The following LUZP2 variants were observed in gnomAD, a reference collection of about 807,000 sequenced individuals.
The protein encoded by LUZP2 is leucine zipper protein 2.
Under a neutral mutation model 51.6 loss-of-function variants are expected in LUZP2, and 52 were observed. The observed-to-expected ratio is 1.01, with a 90% CI of 0.81 to 1.27. The LOEUF is 1.27. LUZP2 is among the 50% of genes most tolerant of loss of function. The probability of loss-of-function intolerance (pLI) is 0.00; values close to 1 mark genes in which losing one functional copy is unlikely to be tolerated. For missense variants in LUZP2, 436 were observed against 395.4 expected, an observed-to-expected ratio of 1.10 and a Z score of -0.87; for synonymous variants, 154 against 137.3, an observed-to-expected ratio of 1.12 and a Z score of -0.85.
intron 6 of LUZP2, among the ~76,000 whole-genome samples, chr11:24,910,753 T>G: frequency 7.0e-6 from 1 of 141,898 alleles, no homozygotes; most frequent in African/African-American, 2.6e-5. Flanking sequence ...AGAAGGGAAA[T>G]GTGGGTTTGG....
intron 1 of LUZP2, among the ~76,000 whole-genome samples, chr11:24,628,003 T>C (rs968816628): frequency 6.6e-6 from 1 of 152,186 alleles, no homozygotes; most frequent in African/African-American, 2.4e-5. Context: ...ATTTACTGTC[T>C]GGGGCATTTT....
rs116087949 is a variant in LUZP2 at position 24,719,587 on chromosome 11, A to G, written c.63-9582A>G. Among the ~76,000 whole-genome samples the G allele has an allele frequency of 9.4e-3, 1,436 of 152,352 alleles. 22 individuals carry two copies. Among genetic ancestry groups the G allele is most frequent in the African/African-American group, 0.033 (1,369 of 41,580 alleles). On this transcript the variant is annotated intron_variant, in intron 1 of 11. Transcript: ENST00000336930. ...AGAAGTTAACACAGCATTTGGCACT[A>G]TGTAGTACATTGTTTGCAAATATGC...
chr11:24,929,584 A>G (rs1433387605), intron 7 of LUZP2, among the ~76,000 whole-genome samples: 1 of 152,080 alleles, frequency 6.6e-6, no homozygotes, highest in Admixed American at 6.6e-5. Flanking sequence ...CTGAGAGAGT[A>G]CTTGACATAA....
chr11:24,984,549 T>TATATATATATATATATATAAATAA (rs60530495), intron 9 of LUZP2, among the ~76,000 whole-genome samples: 1 of 71,224 alleles, frequency 1.4e-5, no homozygotes, highest in Non-Finnish European at 2.8e-5. Flanking sequence ...TATATATATA[T>TATATATATATATATATATAAATAA]AATTGTGAAT....
chr11:24,840,573 G>A (rs1432234606), intron 5 of LUZP2, among the ~76,000 whole-genome samples: 3 of 151,840 alleles, frequency 2.0e-5, no homozygotes, highest in African/African-American at 4.8e-5. Context: ...TGTATACTCA[G>A]CCCTCTGCCC....
At chr11:24,553,775 C>T (rs1490817393) in intron 1 of LUZP2, among the ~76,000 whole-genome samples, 1 of 152,078 alleles carries the variant, frequency 6.6e-6, no homozygotes, top group East Asian at 1.9e-4. Context: ...GCAGGTGTTT[C>T]TCCTTTATAT....
chr11:24,922,358 A>T (rs933399542), intron 7 of LUZP2, among the ~76,000 whole-genome samples: 1 of 152,184 alleles, frequency 6.6e-6, no homozygotes, highest in African/African-American at 2.4e-5. Flanking sequence ...ATTTCCATGT[A>T]TGTATAACAG....
rs367915296 is a variant in LUZP2, at chr11:24,607,118, T to C, written c.62+109813T>C. 2.7e-4 allele frequency among the ~76,000 whole-genome samples: 41 copies of C among 152,068 alleles called. No homozygotes were observed. The East Asian group carries it at 6.4e-3, about 24-fold the overall frequency. On this transcript the variant is annotated intron_variant, in intron 1 of 11. Transcript: ENST00000336930. ...TTATTTTGTTGAATGTTTCCTTTAC[T>C]GTACAGAAACATTTTAGTTTCATGT...
chr11:24,871,138 C>T (rs527948727), intron 5 of LUZP2, among the ~76,000 whole-genome samples: 1 of 152,006 alleles, frequency 6.6e-6, no homozygotes, highest in East Asian at 1.9e-4. Flanking sequence ...AAATGTTTAT[C>T]CAGATTTACA....
chr11:24,829,344 T>C (rs979691652), intron 5 of LUZP2, among the ~76,000 whole-genome samples: 10 of 152,024 alleles, frequency 6.6e-5, no homozygotes, highest in African/African-American at 2.2e-4. Context: ...GTAGGAAAAG[T>C]GTGCGTGCAT....
chr11:24,718,817 G>A (rs1858155144), intron 1 of LUZP2, among the ~76,000 whole-genome samples: 1 of 152,180 alleles, frequency 6.6e-6, no homozygotes, highest in Admixed American at 6.5e-5. Context: ...GAAATCAAGT[G>A]TTAAGGCTAT....
Position 25,060,955 on chromosome 11 carries a change from T to C in LUZP2, c.858+10825T>C, listed in dbSNP as rs1478904915. 2.6e-5 allele frequency among the ~76,000 whole-genome samples: 4 copies of C among 152,258 alleles called. No homozygotes were observed. In the East Asian group the frequency reaches 7.7e-4, roughly 29 times the overall value. Reference sequence around the variant, plus strand: ...AATATTGCTGAAATATAGTAATCTATTTTTTGTTGATTTATATTCTCCAAT... The same window carrying C: ...AATATTGCTGAAATATAGTAATCTACTTTTTGTTGATTTATATTCTCCAAT... On this transcript the variant is annotated intron_variant, in intron 10 of 11. Transcript: ENST00000336930.
chr11:24,604,125 A>C (rs1853832758), intron 1 of LUZP2, among the ~76,000 whole-genome samples: 1 of 151,790 alleles, frequency 6.6e-6, no homozygotes, highest in South Asian at 2.1e-4. Context: ...TATCACTCTG[A>C]CCACCCCCAG....
chr11:24,509,806 C>T (rs1187364507), intron 1 of LUZP2, among the ~76,000 whole-genome samples: 1 of 151,990 alleles, frequency 6.6e-6, no homozygotes, highest in East Asian at 1.9e-4. Flanking sequence ...GTAATCACTA[C>T]AGTGTTTCCT....
chr11:25,048,112 C>A (rs1858377938), intron 9 of LUZP2, among the ~76,000 whole-genome samples: 1 of 152,114 alleles, frequency 6.6e-6, no homozygotes, highest in African/African-American at 2.4e-5. Flanking sequence ...CACCCAGCCC[C>A]CCTTTGGCTG....
At chr11:24,512,338 A>ATT (rs76195189) in intron 1 of LUZP2, among the ~76,000 whole-genome samples, 7 of 151,868 alleles carry the variant, frequency 4.6e-5, no homozygotes, top group Non-Finnish European at 1.0e-4. Flanking sequence ...CCAAACCTTC[A>ATT]TTTTTTTATA....
chr11:25,022,210 A>G (rs747228160), intron 9 of LUZP2, among the ~76,000 whole-genome samples: 2 of 152,036 alleles, frequency 1.3e-5, no homozygotes, highest in Non-Finnish European at 2.9e-5. Context: ...AAAGTATTGT[A>G]AAATTTTCTT....
At chr11:25,051,740 T>C (rs1858523279) in intron 10 of LUZP2, among the ~76,000 whole-genome samples, 1 of 152,148 alleles carries the variant, frequency 6.6e-6, no homozygotes, top group Non-Finnish European at 1.5e-5. Context: ...AAGGCCATGG[T>C]GTTAATTCTA....
intron 8 of LUZP2, among the ~76,000 whole-genome samples, chr11:24,976,918 C>T (rs1486981892): frequency 6.6e-6 from 1 of 151,632 alleles, no homozygotes; most frequent in East Asian, 1.9e-4. Flanking sequence ...TTTTTCACCT[C>T]ACTGGTATAT....
Sources: allele counts gnomAD v4.1 joint callset (sites outside exome capture counted in the v4.1 genomes callset), GRCh38; gene constraint gnomAD v4.1.1; transcripts MANE v1.5; gene names NCBI Gene and HGNC (gene_info 2026-07-23, HGNC 2026-07-21).